Variants in GBF1 observed in about 807,000 individuals in gnomAD.
GBF1 encodes Golgi-specific brefeldin A-resistance guanine nucleotide exchange factor 1.
GBF1 carries 114 observed loss-of-function variants against 210.5 expected under a neutral mutation model. The observed-to-expected ratio is 0.54, with a 90% confidence interval of 0.47 to 0.63. The LOEUF (loss-of-function observed/expected upper bound fraction) is 0.63. Ranked by LOEUF, GBF1 falls within the 30% of genes least tolerant of loss-of-function variation. GBF1 has a pLI of 0.00. For synonymous variants in GBF1, 850 were observed against 889.2 expected (o/e 0.96, Z 0.78); for missense variants, 1,851 against 2,357.7 (o/e 0.79, Z 4.45).
chr10:102,366,019 G>A lies in GBF1; in HGVS notation c.2310-364G>A, dbSNP rs1332356016. On this transcript the variant is annotated intron_variant, in intron 18 of 39. Transcript: ENST00000369983. This position sits in a 1 kb window ranked among gnomAD's most constrained non-coding sequence, Gnocchi z 4.0. Reference sequence around the variant, plus strand: ...GGACAGAACATCCCTACCTCAAAGCGGTCTCTATAAATTTCTTCTGGAGAC... The same window carrying A: ...GGACAGAACATCCCTACCTCAAAGCAGTCTCTATAAATTTCTTCTGGAGAC... 2.0e-5 allele frequency among the ~76,000 whole-genome samples: 3 copies of A among 151,850 alleles called. No homozygotes were observed. The highest frequency in any genetic ancestry group is 2.9e-5 in the Non-Finnish European group (2 of 67,974).
intron 3 of GBF1, among the ~76,000 whole-genome samples, chr10:102,331,356 T>C (rs1478345092): frequency 6.6e-6 from 1 of 152,144 alleles, no homozygotes; most frequent in East Asian, 1.9e-4. Flanking sequence ...AGTGGCAGTT[T>C]TGGAGAAAAT....
intron 3 of GBF1, among the ~76,000 whole-genome samples, chr10:102,322,111 C>T (rs1428511468): frequency 4.6e-5 from 7 of 152,230 alleles, no homozygotes; most frequent in East Asian, 1.9e-4. Context: ...CCACCCACCT[C>T]GGCTTCCCAC....
intron 3 of GBF1, among the ~76,000 whole-genome samples, chr10:102,266,033 T>C (rs543208650): frequency 3.3e-5 from 5 of 152,100 alleles, no homozygotes; most frequent in Non-Finnish European, 7.4e-5. Context: ...GTCAGGAGAT[T>C]GAGACCATCC....
chr10:102,248,755 C>T (rs1352416781), intron 1 of GBF1, among the ~76,000 whole-genome samples: 1 of 152,112 alleles, frequency 6.6e-6, no homozygotes, highest in Non-Finnish European at 1.5e-5. Flanking sequence ...CTACCTCAGC[C>T]TCCCAAGTAG....
intron 4 of GBF1, among the ~76,000 whole-genome samples, chr10:102,346,035 C>T (rs960741558): frequency 6.6e-6 from 1 of 152,076 alleles, no homozygotes; most frequent in Non-Finnish European, 1.5e-5. Flanking sequence ...CTATTGAAGT[C>T]ATAAATAATG....
At chr10:102,378,613 G>A (rs2060651415) in intron 33 of GBF1, among the ~76,000 whole-genome samples, 1 of 152,002 alleles carries the variant, frequency 6.6e-6, no homozygotes, top group South Asian at 2.1e-4. Context: ...CTCCAGTTTT[G>A]CACAGAGCAA....
the GBF1 span, among the ~76,000 whole-genome samples, chr10:102,238,263 C>A: frequency 6.6e-6 from 1 of 152,140 alleles, no homozygotes; most frequent in Non-Finnish European, 1.5e-5. Flanking sequence ...GTCTAGGAGG[C>A]ATCATTTAGT....
chr10:102,267,534 G>T (rs760170168), intron 3 of GBF1, among the ~76,000 whole-genome samples: 195 of 148,568 alleles, frequency 1.3e-3, no homozygotes, highest in Non-Finnish European at 2.0e-3. Flanking sequence ...CAACAAAAGC[G>T]AGTATGTTAT....
At chr10:102,356,707 C>G (rs1298215448) in intron 8 of GBF1, among the ~76,000 whole-genome samples, 1 of 145,188 alleles carries the variant, frequency 6.9e-6, no homozygotes, top group East Asian at 2.0e-4. Context: ...GCGGAGCTTG[C>G]AGTGAGCCAA....
At position 102,381,129 on chromosome 10, in the gene GBF1, C is replaced by T. The variant is rs779795660; in HGVS notation, c.5176C>T (p.Pro1726Ser). Residue 1726 changes from proline to serine, a missense_variant and splice_region_variant, in exon 39 of 40, where the codon CCC becomes TCC. Coordinates refer to ENST00000369983, the MANE Select transcript of GBF1 (RefSeq NM_001377137.1). ...TCTCAATTCTCTACCGTCTCCAGAC[C>T]CCATGCCCATGGAGCCTCAAGGCCA... is the stretch of plus-strand genomic sequence containing the variant. Reference protein sequence around the residue: ...ELFKQTVIQDPMPMEPQGQKP... With the variant: ...ELFKQTVIQDSMPMEPQGQKP... The T allele has an allele frequency of 1.2e-6, 2 of 1,613,646 alleles. No homozygotes were observed. Among genetic ancestry groups the T allele is most frequent in the East Asian group, 4.5e-5 (2 of 44,892 alleles).
At chr10:102,288,692 T>C (rs2133601214) in intron 3 of GBF1, among the ~76,000 whole-genome samples, 1 of 125,842 alleles carries the variant, frequency 7.9e-6, no homozygotes, top group East Asian at 2.5e-4. Flanking sequence ...CAGTCCGGCC[T>C]GGGCGACAGA....
At chr10:102,378,723 C>T (rs994271021) in intron 33 of GBF1, among the ~76,000 whole-genome samples, 1 of 152,126 alleles carries the variant, frequency 6.6e-6, no homozygotes, top group African/African-American at 2.4e-5. Flanking sequence ...TGCTTGGGCC[C>T]AGGAGCTCAA....
At chr10:102,250,062 C>G (rs1248505334) in intron 1 of GBF1, among the ~76,000 whole-genome samples, 2 of 143,698 alleles carry the variant, frequency 1.4e-5, no homozygotes, top group Non-Finnish European at 3.0e-5. Flanking sequence ...TAGCTCCCTA[C>G]TACCATCTAC....
chr10:102,336,667 G>T (rs958606523), intron 3 of GBF1, among the ~76,000 whole-genome samples: 2 of 152,108 alleles, frequency 1.3e-5, no homozygotes, highest in African/African-American at 4.8e-5. Flanking sequence ...GATTTGAATC[G>T]TCCACGAAAG....
the GBF1 span, among the ~76,000 whole-genome samples, chr10:102,234,598 C>G: frequency 6.6e-6 from 1 of 152,098 alleles, no homozygotes; most frequent in African/African-American, 2.4e-5. Context: ...AGGGTTAGAA[C>G]TGAGAGTTGG....
At chr10:102,295,346 C>G (rs1347642483) in intron 3 of GBF1, among the ~76,000 whole-genome samples, 6 of 152,174 alleles carry the variant, frequency 3.9e-5, no homozygotes, top group African/African-American at 7.2e-5. Flanking sequence ...AGTTTTAACT[C>G]TGCACATATC....
chr10:102,376,668 GACACTAAGTCTCTGCTTA>G lies in GBF1; in HGVS notation c.4158_4175del (p.Asp1386_Lys1392delinsGlu). On this transcript the variant is annotated inframe_deletion, in exon 32 of 40. Transcript: ENST00000369983. ...AGTGGGACTGGATTTGGGGCCACAC[GACACTAAGTCTCTGCTTA>G]AGTGTGTGGAATCGCTGTCCTTCAT... is the stretch of plus-strand genomic sequence containing the variant. 6.2e-7 allele frequency: 1 copy of G among 1,613,898 alleles called. No individual in the cohort carries two copies. Among genetic ancestry groups the G allele is most frequent in the Non-Finnish European group, 8.5e-7 (1 of 1,179,888 alleles).
At chr10:102,238,500 C>T in the GBF1 span, among the ~76,000 whole-genome samples, 1 of 152,158 alleles carries the variant, frequency 6.6e-6, no homozygotes, top group African/African-American at 2.4e-5. Context: ...ATCTGAAGTC[C>T]ACGATAGGGT....
chr10:102,323,469 T>C (rs2056617730), intron 3 of GBF1, among the ~76,000 whole-genome samples: 1 of 152,056 alleles, frequency 6.6e-6, no homozygotes, highest in Non-Finnish European at 1.5e-5. Flanking sequence ...ATGGCATTTG[T>C]TCATTGGCCC....
Sources: gnomAD v4.1 joint callset for allele counts (sites outside exome capture counted in the v4.1 genomes callset) on GRCh38, gnomAD v4.1.1 for gene constraint, Gnocchi (gnomAD v3.1) non-coding constraint, MANE v1.5 for transcripts, NCBI Gene and HGNC (gene_info 2026-07-23, HGNC 2026-07-21) for gene names.